DCC: variants seen among roughly 807,000 people sequenced by gnomAD.
DCC encodes the protein DCC netrin 1 receptor.
Under a neutral mutation model 172.5 loss-of-function variants are expected in DCC, and 58 were observed. The ratio of observed to expected loss-of-function variants is 0.34; its 90% CI spans 0.27 to 0.42. The LOEUF (loss-of-function observed/expected upper bound fraction) is 0.42, where lower values mean the gene tolerates loss of function less well. Ranked by LOEUF, DCC falls within the 10% of genes least tolerant of loss-of-function variation. The pLI, the probability that DCC is intolerant of heterozygous loss-of-function variation, is 1.00. For missense variants in DCC, 1,740 were observed against 1,791.0 expected, an observed-to-expected ratio of 0.97 and a Z score of 0.51; for synonymous variants, 709 against 644.5, an observed-to-expected ratio of 1.10 and a Z score of -1.52.
chr18:52,527,639 C>T (rs1182358948), intron 1 of DCC, among the ~76,000 whole-genome samples: 1 of 152,038 alleles, frequency 6.6e-6, no homozygotes, highest in Non-Finnish European at 1.5e-5. Context: ...ATGAGATGAC[C>T]ATCTCATCTC....
chr18:52,917,374 T>G (rs1477738632), intron 3 of DCC, among the ~76,000 whole-genome samples: 1 of 152,126 alleles, frequency 6.6e-6, no homozygotes, highest in Non-Finnish European at 1.5e-5. Context: ...GTTTTGATTT[T>G]TAGTATGGAA....
rs10526030 is a variant in DCC, at chr18:53,066,353, GTATATATATATA to G, written c.1261+221_1261+232del. On this transcript the variant is annotated intron_variant, in intron 7 of 28. Transcript: ENST00000442544. The stretch of plus-strand genomic sequence containing the variant: ...TAGAAAATTGTGTGTGTACATGTGT[GTATATATATATA>G]TATATATATATATATATATATATAT... Among the ~76,000 whole-genome samples the G allele has an allele frequency of 4.5e-3, 423 of 94,594 alleles. 3 individuals are homozygous for G. The highest frequency in any genetic ancestry group is 0.02 in the East Asian group (73 of 3,614). 62.1% of individuals were successfully genotyped at this position (94,594 alleles called of 152,430 possible).
intron 1 of DCC, among the ~76,000 whole-genome samples, chr18:52,673,260 C>T (rs1205537753): frequency 6.6e-6 from 1 of 152,102 alleles, no homozygotes; most frequent in East Asian, 1.9e-4. Context: ...CATTTATGTC[C>T]ACTTTCTGCT....
chr18:53,417,345 G>T (rs542548699), intron 21 of DCC, among the ~76,000 whole-genome samples: 5 of 152,250 alleles, frequency 3.3e-5, no homozygotes, highest in Admixed American at 3.3e-4. Context: ...ATGGGACTGT[G>T]CACAGCAATG....
chr18:52,509,886 G>A (rs116083363), intron 1 of DCC, among the ~76,000 whole-genome samples: 2,139 of 152,114 alleles, frequency 0.014, 58 homozygotes, highest in African/African-American at 0.049. Context: ...GTAGATCACC[G>A]GAGGTCCGGA....
At chr18:52,722,310 T>TA (rs1321943175) in intron 1 of DCC, among the ~76,000 whole-genome samples, 10 of 152,208 alleles carry the variant, frequency 6.6e-5, no homozygotes, top group Admixed American at 2.6e-4. Flanking sequence ...GCTTAGGCTT[T>TA]ATCTGCTAAC....
At chr18:52,670,491 T>A (rs570938262) in intron 1 of DCC, among the ~76,000 whole-genome samples, 1 of 152,308 alleles carries the variant, frequency 6.6e-6, no homozygotes, top group Non-Finnish European at 1.5e-5. Flanking sequence ...CATTGTTAGG[T>A]CTCTTTCCTA....
chr18:53,504,237 C>T (rs1445698436), intron 27 of DCC, among the ~76,000 whole-genome samples: 1 of 152,192 alleles, frequency 6.6e-6, no homozygotes, highest in Non-Finnish European at 1.5e-5. Context: ...CCCTGAGCCA[C>T]TCGTAGGCTG....
chr18:52,689,892 A>G (rs1170473948), intron 1 of DCC, among the ~76,000 whole-genome samples: 1 of 152,112 alleles, frequency 6.6e-6, no homozygotes, highest in Non-Finnish European at 1.5e-5. Context: ...AATGCTAGTG[A>G]TTTGTTTGCA....
intron 1 of DCC, among the ~76,000 whole-genome samples, chr18:52,404,313 G>C (rs1568153443): frequency 6.6e-6 from 1 of 152,012 alleles, no homozygotes; most frequent in Non-Finnish European, 1.5e-5. Context: ...GGCTGACTAT[G>C]CTTTTACTGA....
intron 18 of DCC, among the ~76,000 whole-genome samples, chr18:53,401,613 A>C (rs1268891845): frequency 1.3e-5 from 2 of 152,164 alleles, no homozygotes; most frequent in Non-Finnish European, 2.9e-5. Context: ...TCAGAATTAG[A>C]GACTGATTTC....
intron 2 of DCC, among the ~76,000 whole-genome samples, chr18:52,855,390 A>C (rs917432246): frequency 1.3e-5 from 2 of 152,236 alleles, no homozygotes; most frequent in Non-Finnish European, 2.9e-5. Context: ...AATAGTAAAC[A>C]AAACGTCTTA....
chr18:52,864,192 CTTAAAATTTATT>C (rs1331251016), intron 2 of DCC, among the ~76,000 whole-genome samples: 1 of 152,124 alleles, frequency 6.6e-6, no homozygotes, highest in Non-Finnish European at 1.5e-5. Flanking sequence ...AGTGGAACAA[CTTAAAATTTATT>C]TCTTCCACAT....
intron 5 of DCC, among the ~76,000 whole-genome samples, chr18:53,026,506 A>T (rs947509578): frequency 4.6e-5 from 7 of 152,108 alleles, no homozygotes; most frequent in Non-Finnish European, 8.8e-5. Context: ...TGAATTAATA[A>T]CTCACACCTA....
At chr18:52,544,664 C>T (rs1166113215) in intron 1 of DCC, among the ~76,000 whole-genome samples, 2 of 152,024 alleles carry the variant, frequency 1.3e-5, no homozygotes, top group Non-Finnish European at 2.9e-5. Context: ...ACTTGTGGGA[C>T]TTTAGCCACC....
intron 26 of DCC, among the ~76,000 whole-genome samples, chr18:53,494,339 T>G (rs1352582026): frequency 6.6e-6 from 1 of 152,210 alleles, no homozygotes; most frequent in East Asian, 1.9e-4. Flanking sequence ...GTCTGTTTGG[T>G]CCAGAGCTGA....
chr18:52,702,347 A>G lies in DCC; in HGVS notation c.92-49707A>G, dbSNP rs147213161. Among the ~76,000 whole-genome samples, 904 of 152,042 alleles carry G rather than the reference A, an allele frequency of 5.9e-3. 8 individuals carry two copies. Among genetic ancestry groups the G allele is most frequent in the African/African-American group, 0.021 (854 of 41,466 alleles). ...TAATACAGCCCATGCTCATCATATCACTTTGCCTCTTACCTCCTTTGAAAG... is the reference window on the plus strand; with the variant it reads ...TAATACAGCCCATGCTCATCATATCGCTTTGCCTCTTACCTCCTTTGAAAG... On this transcript the variant is annotated intron_variant, in intron 1 of 28. Transcript: ENST00000442544.
intron 1 of DCC, among the ~76,000 whole-genome samples, chr18:52,719,610 C>CA (rs34309683): frequency 0.72 from 104,998 of 146,006 alleles, 39,291 homozygotes; most frequent in Non-Finnish European, 0.85. Context: ...ATCTAAGGAA[C>CA]AAAAAAAAAA....
At chr18:53,003,745 C>T (rs923438213) in intron 5 of DCC, among the ~76,000 whole-genome samples, 4 of 152,058 alleles carry the variant, frequency 2.6e-5, no homozygotes, top group African/African-American at 4.8e-5. Flanking sequence ...CTGGAAGAGA[C>T]GAATCTCAAA....
Sources: gnomAD v4.1 joint callset for allele counts (sites outside exome capture counted in the v4.1 genomes callset) on GRCh38, gnomAD v4.1.1 for gene constraint, MANE v1.5 for transcripts, NCBI Gene and HGNC (gene_info 2026-07-23, HGNC 2026-07-21) for gene names.